Variants in ELAVL2 observed in about 807,000 individuals in gnomAD.
ELAVL2 encodes ELAV like RNA binding protein 2.
In ELAVL2, 4 loss-of-function variants were observed where a neutral mutation model predicts 34.6. The ratio of observed to expected loss-of-function variants is 0.12; its 90% CI spans 0.06 to 0.26. The LOEUF (loss-of-function observed/expected upper bound fraction) is 0.26. ELAVL2 is among the 10% of genes least tolerant of loss of function. The probability of loss-of-function intolerance (pLI) is 1.00; values close to 1 mark genes in which losing one functional copy is unlikely to be tolerated. For missense variants in ELAVL2, 432 were observed against 442.8 expected (o/e 0.98, Z 0.22); for synonymous variants, 193 against 154.8 (o/e 1.25, Z -1.83).
chr9:23,842,258 C>T, the ELAVL2 span, among the ~76,000 whole-genome samples: 1 of 152,106 alleles, frequency 6.6e-6, no homozygotes, highest in Non-Finnish European at 1.5e-5. Flanking sequence ...TGACATTTTT[C>T]TGTTCCCCTG....
At chr9:23,847,233 C>G in the ELAVL2 span, 2 of 152,000 alleles carry the variant, frequency 1.3e-5, no homozygotes, top group African/African-American at 4.8e-5. Context: ...TTTTAAAACT[C>G]TAATGTCACT....
chr9:23,787,082 T>C lies in ELAVL2; in HGVS notation c.-15-24833A>G, dbSNP rs527741231. Reference sequence around the variant, plus strand: ...ACATGAGGAAAGGGCAACAGATATATATACGGCAAATGTGAGAAAGAATAT... The same window carrying C: ...ACATGAGGAAAGGGCAACAGATATACATACGGCAAATGTGAGAAAGAATAT... On this transcript the variant is annotated intron_variant, in intron 1 of 6. Coordinates refer to ENST00000397312, the MANE Select transcript of ELAVL2 (RefSeq NM_004432.5). 1.2e-3 allele frequency among the ~76,000 whole-genome samples: 188 copies of C among 152,246 alleles called. 1 individual carries two copies. The highest frequency in any genetic ancestry group is 1.6e-3 in the Non-Finnish European group (110 of 68,010).
At chr9:23,809,413 G>A (rs964774160) in intron 1 of ELAVL2, among the ~76,000 whole-genome samples, 2 of 151,934 alleles carry the variant, frequency 1.3e-5, no homozygotes, top group African/African-American at 4.8e-5. Flanking sequence ...CAGCTTTGGG[G>A]GACATAGAAT....
the ELAVL2 span, among the ~76,000 whole-genome samples, chr9:23,842,053 C>A: frequency 6.6e-6 from 1 of 152,114 alleles, no homozygotes; most frequent in Admixed American, 6.6e-5. Flanking sequence ...AAATGAAAAT[C>A]TACAGAAAAT....
intron 4 of ELAVL2, among the ~76,000 whole-genome samples, chr9:23,704,123 G>T (rs1237959418): frequency 8.7e-6 from 1 of 115,166 alleles, no homozygotes; most frequent in African/African-American, 2.9e-5. Flanking sequence ...GTAGAGATGG[G>T]GCTTCTCTAT....
chr9:23,707,592 G>A (rs1300742272), intron 3 of ELAVL2, among the ~76,000 whole-genome samples: 2 of 152,212 alleles, frequency 1.3e-5, no homozygotes, highest in Non-Finnish European at 2.9e-5. Flanking sequence ...GTCACAGGAG[G>A]CAGTGGAAAT....
chr9:23,781,554 GTC>G (rs2059067617), intron 1 of ELAVL2, among the ~76,000 whole-genome samples: 2 of 116,636 alleles, frequency 1.7e-5, no homozygotes, highest in South Asian at 5.2e-4. Flanking sequence ...TTCTAATTCT[GTC>G]ACCAACCAGG....
At chr9:23,778,193 T>A (rs2058523872) in intron 1 of ELAVL2, among the ~76,000 whole-genome samples, 1 of 152,110 alleles carries the variant, frequency 6.6e-6, no homozygotes, top group Middle Eastern at 3.2e-3. Context: ...GGACTCTGCT[T>A]AAATAAATCA....
chr9:23,848,811 C>T, the ELAVL2 span, among the ~76,000 whole-genome samples: 1 of 152,074 alleles, frequency 6.6e-6, no homozygotes. Context: ...CAAAACAATT[C>T]CTTTCAGTGG....
Position 23,692,015 on chromosome 9 carries a change from C to T in ELAVL2, c.*542G>A, listed in dbSNP as rs991947791. On this transcript the variant is annotated 3_prime_UTR_variant, in exon 7 of 7. Transcript: ENST00000397312. ...CGTTTATAATGTAGCCCCCCCTTCC[C>T]CAACCCAAATCATAATTACAAAATA... 1 of 152,918 alleles carries T rather than the reference C, an allele frequency of 6.5e-6. No individual in the cohort carries two copies. The highest frequency in any genetic ancestry group is 2.4e-5 in the African/African-American group (1 of 41,400). The allele number at this position is 152,918 out of a possible 1,614,324, so 9.5% of individuals were successfully genotyped here. A position where few individuals can be genotyped will look rare whatever the true frequency, so the allele number is the denominator to read the frequency against.
Position 23,825,963 on chromosome 9 carries a change from G to C in ELAVL2, c.-173C>G, listed in dbSNP as rs2065269828. ...GAAGCAAATAAAAAGAAACGCTTTC[G>C]ACCCCAAAGTCCAATGCTAAAAGAA... On this transcript the variant is annotated 5_prime_UTR_variant, in exon 1 of 7. Transcript: ENST00000397312. The C allele has an allele frequency of 6.6e-6, 1 of 151,972 alleles. No homozygotes were observed. The highest frequency in any genetic ancestry group is 1.5e-5 in the Non-Finnish European group (1 of 68,010). The allele number at this position is 151,972 out of a possible 1,614,324, so 9.4% of individuals were successfully genotyped here.
upstream of ELAVL2, among the ~76,000 whole-genome samples, chr9:23,830,625 C>CACACACACACACA (rs1554774159): frequency 5.6e-3 from 795 of 141,940 alleles, 3 homozygotes; most frequent in African/African-American, 0.013. Flanking sequence ...CACACACACA[C>CACACACACACACA]CTTTTTTTTT....
rs76208466 is a variant in ELAVL2 at position 23,766,662 on chromosome 9, T to C, written c.-15-4413A>G. ...AAAATGATTCTACTGCACTTTTACA[T>C]TTCAAGCACCCCAGACAGTCTTCTC... is the stretch of plus-strand genomic sequence containing the variant. On this transcript the variant is annotated intron_variant, in intron 1 of 6. Transcript: ENST00000397312. Among the ~76,000 whole-genome samples the C allele has an allele frequency of 9.0e-3, 1,366 of 152,206 alleles. 16 individuals carry two copies. The highest frequency in any genetic ancestry group is 0.031 in the African/African-American group (1,298 of 41,522).
At chr9:23,704,690 C>T (rs2038724315) in intron 4 of ELAVL2, among the ~76,000 whole-genome samples, 1 of 152,152 alleles carries the variant, frequency 6.6e-6, no homozygotes, top group Non-Finnish European at 1.5e-5. Context: ...AAACAGGCTT[C>T]AATCCTGCAC....
At chr9:23,814,955 A>AT (rs1177317435) in intron 1 of ELAVL2, among the ~76,000 whole-genome samples, 1 of 147,528 alleles carries the variant, frequency 6.8e-6, no homozygotes, top group Non-Finnish European at 1.5e-5. Context: ...TGCCTAAAGA[A>AT]TAAAAAAAGT....
At chr9:23,776,954 A>G (rs2058304046) in intron 1 of ELAVL2, among the ~76,000 whole-genome samples, 1 of 152,186 alleles carries the variant, frequency 6.6e-6, no homozygotes, top group Non-Finnish European at 1.5e-5. Flanking sequence ...TTTAAATTAT[A>G]AAGAAGAGCA....
At chr9:23,821,063 A>C (rs1374992239) in intron 1 of ELAVL2, among the ~76,000 whole-genome samples, 1 of 152,154 alleles carries the variant, frequency 6.6e-6, no homozygotes, top group Non-Finnish European at 1.5e-5. Context: ...GCGCGCGCGA[A>C]GGCGCCGTAG....
chr9:23,797,874 G>A (rs182891708), intron 1 of ELAVL2, among the ~76,000 whole-genome samples: 1 of 152,126 alleles, frequency 6.6e-6, no homozygotes, highest in Non-Finnish European at 1.5e-5. Context: ...GTTGCGGTAA[G>A]CTGAAATCAC....
chr9:23,787,900 G>A (rs1471224942), intron 1 of ELAVL2, among the ~76,000 whole-genome samples: 2 of 152,116 alleles, frequency 1.3e-5, no homozygotes, highest in Non-Finnish European at 2.9e-5. Context: ...AGCTTTTAGA[G>A]GGCAAACAGA....
Sources: allele counts gnomAD v4.1 joint callset (sites outside exome capture counted in the v4.1 genomes callset), GRCh38; gene constraint gnomAD v4.1.1; transcripts MANE v1.5; gene names NCBI Gene and HGNC (gene_info 2026-07-23, HGNC 2026-07-21).